Variants in COG5 observed in about 807,000 individuals in gnomAD.
COG5 encodes the protein component of oligomeric golgi complex 5.
In COG5, 86 loss-of-function variants were observed where a neutral mutation model predicts 110.4. The observed-to-expected ratio is 0.78, with a 90% CI of 0.65 to 0.93. The LOEUF (loss-of-function observed/expected upper bound fraction) is 0.93, where lower values mean the gene tolerates loss of function less well. Ranked by LOEUF, COG5 falls within the 40% of genes least tolerant of loss-of-function variation. The pLI is 0.00. For missense variants in COG5, 1,077 were observed against 987.0 expected, an observed-to-expected ratio of 1.09 and a Z score of -1.22; for synonymous variants, 360 against 334.6, an observed-to-expected ratio of 1.08 and a Z score of -0.83.
intron 6 of COG5, among the ~76,000 whole-genome samples, chr7:107,458,473 C>T (rs957294690): frequency 6.6e-6 from 1 of 152,172 alleles, no homozygotes; most frequent in African/African-American, 2.4e-5. Flanking sequence ...TAACATTATA[C>T]ATGATGTGCT....
chr7:107,321,777 G>GT (rs1809313957), intron 11 of COG5, among the ~76,000 whole-genome samples: 1 of 152,074 alleles, frequency 6.6e-6, no homozygotes, highest in African/African-American at 2.4e-5. Context: ...AAAATAAAAT[G>GT]TAAGAGGAAA....
At chr7:107,446,670 T>A (rs999463254) in intron 6 of COG5, among the ~76,000 whole-genome samples, 1 of 152,142 alleles carries the variant, frequency 6.6e-6, no homozygotes, top group South Asian at 2.1e-4. Context: ...AGCTGCCACA[T>A]CATGCACAGC....
Position 107,338,826 on chromosome 7 carries a change from A to T in COG5, c.1027-14305T>A, listed in dbSNP as rs193030052. 3.3e-5 allele frequency among the ~76,000 whole-genome samples: 5 copies of T among 152,240 alleles called. No homozygotes were observed. In the East Asian group the frequency reaches 9.7e-4, roughly 29 times the overall value. ...ATTTTTCTCCAAAGATGATATTAAA[A>T]TGGCTAACAAGCATAAGAACAGATA... On this transcript the variant is annotated intron_variant, in intron 10 of 21. Coordinates refer to ENST00000297135, the MANE Select transcript of COG5 (RefSeq NM_006348.5).
In COG5 at chr7:107,503,819, T is replaced by C. The variant is rs1195726623; in HGVS notation, c.538+23418A>G. Among the ~76,000 whole-genome samples the C allele has an allele frequency of 2.0e-5, 3 of 152,344 alleles. No homozygotes were observed. The East Asian group carries it at 5.8e-4, about 29-fold the overall frequency. ...CTTGGTGGTTGGTGTGTAGCAGTGC[T>C]ACTGATTTGTGTACATTGACTTTGT... On this transcript the variant is annotated intron_variant, in intron 6 of 21. Coordinates refer to ENST00000297135, the MANE Select transcript of COG5 (RefSeq NM_006348.5).
At chr7:107,365,596 C>CAAAAAAAAAAAAAAAAAA (rs71134263) in intron 8 of COG5, among the ~76,000 whole-genome samples, 6 of 36,700 alleles carry the variant, frequency 1.6e-4, no homozygotes, top group East Asian at 1.3e-3. Context: ...TGCAAAATGA[C>CAAAAAAAAAAAAAAAAAA]AAAAAAAAAA....
In COG5 at chr7:107,557,953, G is replaced by A. The variant is rs1480684932; in HGVS notation, c.234+23C>T. ...ATCACTTTAGGCTGAATAATCCATA[G>A]GGACCCAGAAGATCAGAATTACCTG... is the stretch of plus-strand genomic sequence containing the variant. On this transcript the variant is annotated intron_variant, in intron 2 of 21. Transcript: ENST00000297135. 3.7e-6 allele frequency: 6 copies of A among 1,613,296 alleles called. No individual in the cohort carries two copies. In the Admixed American group the frequency reaches 8.3e-5, roughly 22 times the overall value.
At chr7:107,281,253 A>T (rs1176782749) in intron 14 of COG5, 47 bp downstream of exon 14, 13 of 1,238,570 alleles carry the variant, frequency 1.0e-5, no homozygotes, top group Non-Finnish European at 1.5e-5. Context: ...ATAGTTAGTA[A>T]TTTTAAATAA....
intron 17 of COG5, among the ~76,000 whole-genome samples, chr7:107,245,986 A>C (rs1802023789): frequency 6.6e-6 from 1 of 152,228 alleles, no homozygotes. Context: ...TACCATAACC[A>C]AAACAGAATG....
At chr7:107,558,228 C>A in intron 1 of COG5, 113 bp from the exon 2 acceptor site, 1 of 1,014,714 alleles carries the variant, frequency 9.9e-7, no homozygotes, top group Non-Finnish European at 1.5e-6. Context: ...ATACTCTGAA[C>A]CACTCCACTA....
chr7:107,390,367 T>G (rs1209366840), intron 7 of COG5, among the ~76,000 whole-genome samples: 1 of 152,084 alleles, frequency 6.6e-6, no homozygotes, highest in African/African-American at 2.4e-5. Context: ...GATAAAAAAA[T>G]TCTTGCACGT....
chr7:107,275,402 G>C (rs1186051677), intron 14 of COG5, among the ~76,000 whole-genome samples: 1 of 151,122 alleles, frequency 6.6e-6, no homozygotes, highest in Non-Finnish European at 1.5e-5. Flanking sequence ...TGTTTCATCT[G>C]TTTGCACATA....
At chr7:107,417,892 T>G (rs1382454741) in intron 6 of COG5, among the ~76,000 whole-genome samples, 1 of 152,136 alleles carries the variant, frequency 6.6e-6, no homozygotes, top group Non-Finnish European at 1.5e-5. Context: ...ATTCACTGTT[T>G]GCCTATCATA....
chr7:107,329,217 C>T (rs779564251), intron 10 of COG5, among the ~76,000 whole-genome samples: 4 of 152,134 alleles, frequency 2.6e-5, no homozygotes, highest in Non-Finnish European at 5.9e-5. Flanking sequence ...ATCCCAAGGA[C>T]TGGTCTAAAT....
At position 107,339,806 on chromosome 7, in the gene COG5, T is replaced by G. The variant is rs915265444; in HGVS notation, c.1027-15285A>C. Among the ~76,000 whole-genome samples the G allele has an allele frequency of 3.3e-5, 5 of 152,004 alleles. No individual in the cohort carries two copies. In the South Asian group the frequency reaches 8.3e-4, roughly 25 times the overall value. On this transcript the variant is annotated intron_variant, in intron 10 of 21. Transcript: ENST00000297135. ...AGTGAAATTGTCAGAAATAAAAAAA[T>G]TCTTTGAAAAAAATGAAAAGAGATA...
At chr7:107,333,098 T>C (rs143605652) in intron 10 of COG5, among the ~76,000 whole-genome samples, 10 of 152,256 alleles carry the variant, frequency 6.6e-5, no homozygotes, top group Admixed American at 2.0e-4. Context: ...GTAAAAAACT[T>C]AGCAAAAGGT....
At chr7:107,392,917 C>G (rs1011075803) in intron 7 of COG5, among the ~76,000 whole-genome samples, 4 of 152,066 alleles carry the variant, frequency 2.6e-5, no homozygotes, top group Non-Finnish European at 4.4e-5. Flanking sequence ...CACATGTATT[C>G]CTCAACTTTA....
In COG5 at chr7:107,258,425, T is replaced by TTCTCTCTC. The variant is rs71134258; in HGVS notation, c.1576-50_1576-43dup. 613 of 886,470 alleles carry TTCTCTCTC rather than the reference T, an allele frequency of 6.9e-4. 2 individuals carry two copies. In the African/African-American group the frequency reaches 8.3e-3, roughly 12 times the overall value. The allele number at this position is 886,470 out of a possible 1,614,324, so 54.9% of individuals were successfully genotyped here. On this transcript the variant is annotated intron_variant, in intron 14 of 21. Coordinates refer to ENST00000297135, the MANE Select transcript of COG5 (RefSeq NM_006348.5). ...TCAAAAGAATGTGTCAGAATGATAATTCTCTCTCTCTCTCTCTCTCTCTCT... is the reference window on the plus strand; with the variant it reads ...TCAAAAGAATGTGTCAGAATGATAATTCTCTCTCTCTCTCTCTCTCTCTCTCTCTCTCT...
chr7:107,376,807 G>A (rs1451722014), intron 7 of COG5, among the ~76,000 whole-genome samples: 1 of 151,854 alleles, frequency 6.6e-6, no homozygotes, highest in African/African-American at 2.4e-5. Context: ...TAAAGATACT[G>A]GCTTGCTAAG....
At chr7:107,496,145 C>T (rs188845876) in intron 6 of COG5, among the ~76,000 whole-genome samples, 8 of 151,966 alleles carry the variant, frequency 5.3e-5, no homozygotes, top group Admixed American at 2.6e-4. Context: ...TTAAAGAGAA[C>T]GGAATGCTTC....
Sources: allele counts gnomAD v4.1 joint callset (sites outside exome capture counted in the v4.1 genomes callset), GRCh38; gene constraint gnomAD v4.1.1; transcripts MANE v1.5; gene names NCBI Gene and HGNC (gene_info 2026-07-23, HGNC 2026-07-21).